LCLAT1: variants seen among roughly 807,000 people sequenced by gnomAD.
LCLAT1 encodes the protein lysocardiolipin acyltransferase 1, also known as 1-AGP acyltransferase 8.
In LCLAT1, 11 loss-of-function variants were observed where a neutral mutation model predicts 30.7. The ratio of observed to expected loss-of-function variants is 0.36; its 90% CI spans 0.23 to 0.59. The LOEUF is 0.59. Ranked by LOEUF, LCLAT1 falls within the 20% of genes least tolerant of loss-of-function variation. The probability of loss-of-function intolerance (pLI) is 0.77; values close to 1 mark genes in which losing one functional copy is unlikely to be tolerated. For synonymous variants in LCLAT1, 155 were observed against 151.3 expected (o/e 1.02, Z -0.18); for missense variants, 402 against 458.6 (o/e 0.88, Z 1.13).
intron 1 of LCLAT1, among the ~76,000 whole-genome samples, chr2:30,511,160 T>C (rs994819214): frequency 7.2e-5 from 11 of 152,180 alleles, no homozygotes; most frequent in Admixed American, 7.2e-4. Flanking sequence ...GTGAGGCTTG[T>C]GAACTTTGGG....
At position 30,625,026 on chromosome 2, in the gene LCLAT1, A is replaced by G. The variant is rs576317714; in HGVS notation, c.629-15091A>G. Among the ~76,000 whole-genome samples the G allele has an allele frequency of 2.6e-5, 4 of 152,336 alleles. 1 individual carries two copies. Among genetic ancestry groups the G allele is most frequent in the African/African-American group, 9.6e-5 (4 of 41,570 alleles). On this transcript the variant is annotated intron_variant, in intron 5 of 5. Coordinates refer to ENST00000379509, the MANE Select transcript of LCLAT1 (RefSeq NM_001002257.3). ...CTCCGGAATGATTATCAGGTCAACA[A>G]TTAGAAAATTATTTGAACTGAATGA...
At chr2:30,487,628 G>A (rs146200840) in intron 1 of LCLAT1, among the ~76,000 whole-genome samples, 30 of 152,328 alleles carry the variant, frequency 2.0e-4, no homozygotes, top group African/African-American at 6.7e-4. Context: ...GCTTAAGGGT[G>A]GGTGGGCAGC....
At chr2:30,593,098 A>T (rs1233622050) in intron 5 of LCLAT1, among the ~76,000 whole-genome samples, 1 of 152,022 alleles carries the variant, frequency 6.6e-6, no homozygotes, top group Non-Finnish European at 1.5e-5. Flanking sequence ...TGGTAACCAT[A>T]ATTCTGCTCT....
intron 3 of LCLAT1, among the ~76,000 whole-genome samples, chr2:30,540,271 T>A (rs1664068176): frequency 6.6e-6 from 1 of 152,246 alleles, no homozygotes; most frequent in African/African-American, 2.4e-5. Context: ...TTTAGCAATA[T>A]ATGTTGGAGA....
At chr2:30,511,360 A>G (rs1293941450) in intron 1 of LCLAT1, among the ~76,000 whole-genome samples, 1 of 152,192 alleles carries the variant, frequency 6.6e-6, no homozygotes, top group Non-Finnish European at 1.5e-5. Context: ...CAGACATCCC[A>G]GAGAGTACAC....
intron 4 of LCLAT1, among the ~76,000 whole-genome samples, chr2:30,566,129 G>C (rs939753584): frequency 6.6e-6 from 1 of 152,060 alleles, no homozygotes; most frequent in African/African-American, 2.4e-5. Flanking sequence ...GATGAAGTAG[G>C]GGGTAGATGG....
chr2:30,577,956 T>A (rs1666065535), intron 5 of LCLAT1, among the ~76,000 whole-genome samples: 2 of 152,164 alleles, frequency 1.3e-5, no homozygotes. Context: ...ATAACATTTT[T>A]AAATAATCTA....
At chr2:30,472,254 A>G (rs1359080857) in intron 1 of LCLAT1, among the ~76,000 whole-genome samples, 2 of 152,194 alleles carry the variant, frequency 1.3e-5, no homozygotes, top group African/African-American at 4.8e-5. Context: ...GACTTTCAGA[A>G]CTCACTGAAT....
intron 5 of LCLAT1, among the ~76,000 whole-genome samples, chr2:30,609,052 A>C (rs1667607318): frequency 6.6e-6 from 1 of 151,390 alleles, no homozygotes; most frequent in African/African-American, 2.5e-5. Flanking sequence ...AAGGATTTTC[A>C]CATGCCTGAT....
intron 5 of LCLAT1, among the ~76,000 whole-genome samples, chr2:30,581,692 G>T (rs1373831859): frequency 1.3e-5 from 2 of 152,304 alleles, no homozygotes; most frequent in East Asian, 1.9e-4. Context: ...TCACTTATAT[G>T]TGGAAGCTTT....
chr2:30,641,946 G>C lies in LCLAT1; in HGVS notation c.*1327G>C, dbSNP rs1054533582. On this transcript the variant is annotated 3_prime_UTR_variant, in exon 6 of 6. Coordinates refer to ENST00000379509, the MANE Select transcript of LCLAT1 (RefSeq NM_001002257.3). ...TCGTGTAAGAAGGATGCTGGTCAGAGCTGCAGAAAATATGAGGCAATTAAA... is the reference window on the plus strand; with the variant it reads ...TCGTGTAAGAAGGATGCTGGTCAGACCTGCAGAAAATATGAGGCAATTAAA... 1 of 149,010 alleles carries C rather than the reference G, an allele frequency of 6.7e-6. No homozygotes were observed. The highest frequency in any genetic ancestry group is 1.5e-5 in the Non-Finnish European group (1 of 67,672). The allele number at this position is 149,010 out of a possible 1,614,324, so 9.2% of individuals were successfully genotyped here.
chr2:30,632,861 C>G (rs1012573914), intron 5 of LCLAT1, among the ~76,000 whole-genome samples: 1 of 152,150 alleles, frequency 6.6e-6, no homozygotes, highest in Non-Finnish European at 1.5e-5. Flanking sequence ...AAGTATTCAA[C>G]TTATGTAGAA....
intron 5 of LCLAT1, among the ~76,000 whole-genome samples, chr2:30,629,797 A>C (rs1290335921): frequency 6.6e-6 from 1 of 152,196 alleles, no homozygotes. Context: ...TAGAAATATG[A>C]AAACTTTTTT....
chr2:30,640,939 C>G lies in LCLAT1; in HGVS notation c.*320C>G, dbSNP rs1270701248. On this transcript the variant is annotated 3_prime_UTR_variant, in exon 6 of 6. Coordinates refer to ENST00000379509, the MANE Select transcript of LCLAT1 (RefSeq NM_001002257.3). ...TTCTTAAAGGCCCAATCCTAACAGA[C>G]TCCCCGTACCAGAGGCAGATCTGGA... is the stretch of plus-strand genomic sequence containing the variant. 2 of 268,038 alleles carry G rather than the reference C, an allele frequency of 7.5e-6. No individual in the cohort carries two copies. Among genetic ancestry groups the G allele is most frequent in the Admixed American group, 1.0e-4 (2 of 19,160 alleles). The allele number at this position is 268,038 out of a possible 1,614,324, so 16.6% of individuals were successfully genotyped here. A position where few individuals can be genotyped will look rare whatever the true frequency, so the allele number is the denominator to read the frequency against.
intron 1 of LCLAT1, among the ~76,000 whole-genome samples, chr2:30,459,008 T>G (rs1042313735): frequency 1.3e-5 from 2 of 152,222 alleles, no homozygotes; most frequent in Admixed American, 6.5e-5. Context: ...CAAACGTATT[T>G]TAAAGTTTTA....
chr2:30,576,789 GA>G (rs1281026743), intron 5 of LCLAT1, among the ~76,000 whole-genome samples: 1 of 151,802 alleles, frequency 6.6e-6, no homozygotes, highest in Non-Finnish European at 1.5e-5. Flanking sequence ...TAGCTTTATA[GA>G]TTTTTTCTTC....
intron 3 of LCLAT1, among the ~76,000 whole-genome samples, chr2:30,559,764 A>T (rs989367651): frequency 2.0e-5 from 3 of 152,204 alleles, no homozygotes; most frequent in Non-Finnish European, 4.4e-5. Flanking sequence ...AATTGTTTTC[A>T]TGTGGCTCTT....
At chr2:30,506,913 GTGTC>G (rs1684692290) in intron 1 of LCLAT1, among the ~76,000 whole-genome samples, 1 of 152,154 alleles carries the variant, frequency 6.6e-6, no homozygotes, top group African/African-American at 2.4e-5. Flanking sequence ...CAGTTTGACT[GTGTC>G]TGGTTGTGAA....
chr2:30,639,634 C>T, intron 5 of LCLAT1, among the ~76,000 whole-genome samples: 1 of 152,258 alleles, frequency 6.6e-6, no homozygotes, highest in South Asian at 2.1e-4. Context: ...GTAGTTTTCA[C>T]ATGTTTCTCA....
Sources: allele counts gnomAD v4.1 joint callset (sites outside exome capture counted in the v4.1 genomes callset), GRCh38; gene constraint gnomAD v4.1.1; transcripts MANE v1.5; gene names NCBI Gene and HGNC (gene_info 2026-07-23, HGNC 2026-07-21).